TMEM259: variants seen among roughly 807,000 people sequenced by gnomAD.
The protein encoded by TMEM259 is transmembrane protein 259.
A neutral mutation model predicts 46.7 loss-of-function variants in TMEM259; 26 were observed. The ratio of observed to expected loss-of-function variants is 0.56; its 90% CI spans 0.41 to 0.77. The LOEUF (loss-of-function observed/expected upper bound fraction) is 0.77, where lower values mean the gene tolerates loss of function less well. Among genes scored for constraint, TMEM259 ranks in the 30% least tolerant of loss-of-function variants. The pLI is 0.00. For synonymous variants in TMEM259, 494 were observed against 395.1 expected, an observed-to-expected ratio of 1.25 and a Z score of -2.97; for missense variants, 930 against 900.5, an observed-to-expected ratio of 1.03 and a Z score of -0.42.
chr19:1,020,837 C>A lies in TMEM259; in HGVS notation c.160G>T (p.Val54Phe). 7.3e-7 allele frequency: 1 copy of A among 1,378,280 alleles called. No individual in the cohort carries two copies. Among genetic ancestry groups the A allele is most frequent in the South Asian group, 1.9e-5 (1 of 52,592 alleles). 85.4% of individuals were successfully genotyped at this position (1,378,280 alleles called of 1,614,324 possible). A position where few individuals can be genotyped will look rare whatever the true frequency, so the allele number is the denominator to read the frequency against. The part of the protein sequence containing the change: ...LFHALFFKMA[V>F]TYSRLFPPAF... ...GGCGGGAAGAGCCGCGAATAGGTGA[C>A]AGCCATCTTGAAGAACAGCGCGTGG... The change falls in exon 1 of 11, where the codon GTC (valine) becomes TTC (phenylalanine). Residue 54 changes from valine (V) to phenylalanine (F), a missense_variant. Physicochemically the swap from Val to Phe is conservative, Grantham distance 50. Transcript: ENST00000356663. This position sits in a 1 kb window ranked among gnomAD's most constrained non-coding sequence, Gnocchi z 4.0.
rs1409050623 is a variant in TMEM259, at chr19:1,009,951, G to A, written c.*399C>T. The A allele has an allele frequency of 6.2e-6, 2 of 321,234 alleles. No individual in the cohort carries two copies. The highest frequency in any genetic ancestry group is 1.1e-5 in the Non-Finnish European group (2 of 175,918). The allele number at this position is 321,234 out of a possible 1,614,324, so 19.9% of individuals were successfully genotyped here. A position where few individuals can be genotyped will look rare whatever the true frequency, so the allele number is the denominator to read the frequency against. On this transcript the variant is annotated 3_prime_UTR_variant, in exon 11 of 11. Transcript: ENST00000356663. ...ACTGCAGGGAGCACCAGGCAGAGCC[G>A]GGCTGAGGCCGGCCGGCACTAGGGC...
At chr19:1,018,462 T>C (rs1345573961) in intron 1 of TMEM259, among the ~76,000 whole-genome samples, 1 of 152,094 alleles carries the variant, frequency 6.6e-6, no homozygotes, top group Non-Finnish European at 1.5e-5. Flanking sequence ...GCTGCACAGA[T>C]GCCACAGGAT....
intron 1 of TMEM259, among the ~76,000 whole-genome samples, chr19:1,015,588 G>C (rs960020151): frequency 6.6e-6 from 1 of 152,156 alleles, no homozygotes; most frequent in Non-Finnish European, 1.5e-5. Flanking sequence ...ACGTCTACCT[G>C]CTGCCCCGAT....
chr19:1,014,433 A>G lies in TMEM259; in HGVS notation c.266T>C (p.Val89Ala). Residue 89 changes from valine to alanine, a missense_variant, in exon 2 of 11, where the codon GTC becomes GCC. Transcript: ENST00000356663. Reference sequence around the variant, plus strand: ...GCAGTTGATGGGCGAGCGGGAGAAGACGATGTGGATGTAGGCCAGGACGAA... The same window carrying G: ...GCAGTTGATGGGCGAGCGGGAGAAGGCGATGTGGATGTAGGCCAGGACGAA... Reference protein sequence around the residue: ...VLFVLAYIHIVFSRSPINCLE... With the variant: ...VLFVLAYIHIAFSRSPINCLE... 6.2e-7 allele frequency: 1 copy of G among 1,611,986 alleles called. No individual in the cohort carries two copies. The highest frequency in any genetic ancestry group is 8.5e-7 in the Non-Finnish European group (1 of 1,179,858).
intron 6 of TMEM259, 21 bp downstream of exon 6, chr19:1,011,871 C>T: frequency 2.5e-6 from 4 of 1,601,506 alleles, no homozygotes; most frequent in Non-Finnish European, 3.4e-6. Flanking sequence ...CCAGCCCCCG[C>T]ACCCGCCCCG....
At position 1,011,154 on chromosome 19, in the gene TMEM259, T is replaced by C; in HGVS notation, c.1259A>G (p.Tyr420Cys). Reference protein sequence around the residue: ...LYHFAFYAYHYRFNGQYSSLA... With the variant: ...LYHFAFYAYHCRFNGQYSSLA... ...GCTGCTATACTGCCCATTGAAGCGG[T>C]AGTGATAGGCATAGAAGGCGAAGTG... is the stretch of plus-strand genomic sequence containing the variant. Residue 420 changes from tyrosine (Y) to cysteine (C), a missense_variant, in exon 10 of 11, where the codon TAC becomes TGC. Physicochemically the swap from Tyr to Cys is radical, Grantham distance 194. Coordinates refer to ENST00000356663, the MANE Select transcript of TMEM259 (RefSeq NM_001033026.2). 2 of 1,605,564 alleles carry C rather than the reference T, an allele frequency of 1.2e-6. No individual in the cohort carries two copies. Among genetic ancestry groups the C allele is most frequent in the African/African-American group, 1.3e-5 (1 of 74,776 alleles).
At position 1,010,122 on chromosome 19, in the gene TMEM259, C is replaced by CTCCT. The variant is rs2038850603; in HGVS notation, c.*224_*227dup. The CTCCT allele has an allele frequency of 2.0e-6, 1 of 508,878 alleles. No homozygotes were observed. The allele number at this position is 508,878 out of a possible 1,614,324, so 31.5% of individuals were successfully genotyped here. A position where few individuals can be genotyped will look rare whatever the true frequency, so the allele number is the denominator to read the frequency against. On this transcript the variant is annotated 3_prime_UTR_variant, in exon 11 of 11. Coordinates refer to ENST00000356663, the MANE Select transcript of TMEM259 (RefSeq NM_001033026.2). ...AACCTTCCGCGGAACCCCACCCCCT[C>CTCCT]TCCTTGCTGACCAGCTCAAACACCT...
At position 1,014,202 on chromosome 19, in the gene TMEM259, C is replaced by A; in HGVS notation, c.497G>T (p.Ser166Ile). ...CCAGGCCTGGCTCACCTTGATGGAG[C>A]TGTTCCCAAACATCTCCATGGTCAG... ...EELTMEMFGN[S>I]SIKFELDIEP... The change falls in exon 2 of 11, where the codon AGC (serine) becomes ATC (isoleucine). Residue 166 changes from serine (S) to isoleucine (I), a missense_variant. Physicochemically the swap from Ser to Ile is moderately radical, Grantham distance 142 (BLOSUM62 -2). Coordinates refer to ENST00000356663, the MANE Select transcript of TMEM259 (RefSeq NM_001033026.2). 1.2e-6 allele frequency: 2 copies of A among 1,605,636 alleles called. No homozygotes were observed. The highest frequency in any genetic ancestry group is 1.7e-6 in the Non-Finnish European group (2 of 1,173,286).
chr19:1,010,462 A>G lies in TMEM259; in HGVS notation c.1751T>C (p.Val584Ala), dbSNP rs1190761786. Residue 584 changes from valine (V) to alanine (A), a missense_variant, in exon 11 of 11, where the codon GTC becomes GCC. Physicochemically the swap from Val to Ala is moderately conservative, Grantham distance 64. Transcript: ENST00000356663. Reference sequence around the variant, plus strand: ...AGAAGCTGCGGAGTCACTCGGGGGGACACTGTCCTGGGGGGCGTGGGGGAG... The same window carrying G: ...AGAAGCTGCGGAGTCACTCGGGGGGGCACTGTCCTGGGGGGCGTGGGGGAG... ...GGLPHAPQDS[V>A]PPSDSAASDT... 2 of 1,540,286 alleles carry G rather than the reference A, an allele frequency of 1.3e-6. No homozygotes were observed. The highest frequency in any genetic ancestry group is 2.4e-5 in the East Asian group (1 of 40,832).
chr19:1,015,418 G>A (rs553514951), intron 1 of TMEM259, among the ~76,000 whole-genome samples: 2 of 152,180 alleles, frequency 1.3e-5, no homozygotes, highest in South Asian at 2.1e-4. Context: ...GGGAGCCCAC[G>A]CCCCAGCGTG....
At chr19:1,019,741 G>A (rs900336605) in intron 1 of TMEM259, among the ~76,000 whole-genome samples, 1 of 152,174 alleles carries the variant, frequency 6.6e-6, no homozygotes, top group Non-Finnish European at 1.5e-5. Flanking sequence ...ACCCCTCTTT[G>A]CAGGCTAGAT....
chr19:1,010,502 C>T lies in TMEM259; in HGVS notation c.1711G>A (p.Gly571Ser). ...LLERRPASPL[G>S]PAGGLPHAPQ... Reference sequence around the variant, plus strand: ...GCGTGGGGGAGGCCCCCAGCAGGGCCCAGCGGGCTGGCTGGACGCCGCTCC... The same window carrying T: ...GCGTGGGGGAGGCCCCCAGCAGGGCTCAGCGGGCTGGCTGGACGCCGCTCC... Residue 571 changes from glycine to serine, a missense_variant, in exon 11 of 11, where the codon GGC (glycine) becomes AGC (serine). Gly to Ser is a moderately conservative substitution (Grantham distance 56). Transcript: ENST00000356663. The T allele has an allele frequency of 6.5e-7, 1 of 1,547,482 alleles. No individual in the cohort carries two copies. Among genetic ancestry groups the T allele is most frequent in the East Asian group, 2.4e-5 (1 of 40,890 alleles).
chr19:1,012,234 C>G, intron 4 of TMEM259, 46 bp from the exon 5 acceptor site: 1 of 1,562,956 alleles, frequency 6.4e-7, no homozygotes, highest in Admixed American at 1.9e-5. Flanking sequence ...CCCAGGCCAC[C>G]CCCTGGGCCC....
At position 1,010,429 on chromosome 19, in the gene TMEM259, G is replaced by A. The variant is rs1306736359; in HGVS notation, c.1784C>T (p.Thr595Ile). ...PPSDSAASDT[T>I]PLGAAVGGPS... Reference sequence around the variant, plus strand: ...CCCGCCTACCGCAGCCCCCAGGGGAGTTGTGTCAGAAGCTGCGGAGTCACT... The same window carrying A: ...CCCGCCTACCGCAGCCCCCAGGGGAATTGTGTCAGAAGCTGCGGAGTCACT... The change falls in exon 11 of 11, where the codon ACT becomes ATT. Residue 595 changes from threonine (T) to isoleucine (I), a missense_variant. By Grantham distance (89) the Thr-to-Ile change is moderately conservative. Coordinates refer to ENST00000356663, the MANE Select transcript of TMEM259 (RefSeq NM_001033026.2). 5 of 1,533,544 alleles carry A rather than the reference G, an allele frequency of 3.3e-6. No homozygotes were observed. The Admixed American group carries it at 8.6e-5, about 26-fold the overall frequency. 95.0% of individuals were successfully genotyped at this position (1,533,544 alleles called of 1,614,324 possible). A position where few individuals can be genotyped will look rare whatever the true frequency, so the allele number is the denominator to read the frequency against.
At chr19:1,017,989 C>G (rs906487189) in intron 1 of TMEM259, among the ~76,000 whole-genome samples, 2 of 152,124 alleles carry the variant, frequency 1.3e-5, no homozygotes, top group African/African-American at 2.4e-5. Flanking sequence ...CTCACATACC[C>G]CGTCTTTAAT....
At chr19:1,018,046 G>A (rs190253980) in intron 1 of TMEM259, among the ~76,000 whole-genome samples, 208 of 152,264 alleles carry the variant, frequency 1.4e-3, no homozygotes, top group Non-Finnish European at 2.5e-3. Context: ...GTGGCTAGGC[G>A]CGGGCCCCTG....
intron 4 of TMEM259, 43 bp from the exon 5 acceptor site, chr19:1,012,231 C>T: frequency 6.4e-7 from 1 of 1,567,514 alleles, no homozygotes; most frequent in South Asian, 1.2e-5. Context: ...CCGCCCAGGC[C>T]ACCCCCTGGG....
At position 1,014,207 on chromosome 19, in the gene TMEM259, C is replaced by A; in HGVS notation, c.492G>T (p.Gly164=). The A allele has an allele frequency of 6.2e-7, 1 of 1,607,978 alleles. No homozygotes were observed. Among genetic ancestry groups the A allele is most frequent in the South Asian group, 1.1e-5 (1 of 90,978 alleles). ...EEEELTMEMF[G]NSSIKFELDI... Reference sequence around the variant, plus strand: ...CCTGGCTCACCTTGATGGAGCTGTTCCCAAACATCTCCATGGTCAGCTCTT... The same window carrying A: ...CCTGGCTCACCTTGATGGAGCTGTTACCAAACATCTCCATGGTCAGCTCTT... The change falls in exon 2 of 11, where the codon GGG becomes GGT. Residue 164 remains glycine (G), a synonymous_variant. Transcript: ENST00000356663.
At chr19:1,015,643 CACATGGA>C (rs1219677001) in intron 1 of TMEM259, among the ~76,000 whole-genome samples, 1 of 151,452 alleles carries the variant, frequency 6.6e-6, no homozygotes, top group Non-Finnish European at 1.5e-5. Context: ...CGCCCACGGC[CACATGGA>C]ACCCCAGACT....
Sources: gnomAD v4.1 joint callset for allele counts (sites outside exome capture counted in the v4.1 genomes callset) on GRCh38, gnomAD v4.1.1 for gene constraint, Gnocchi (gnomAD v3.1) non-coding constraint, MANE v1.5 for transcripts, NCBI Gene and HGNC (gene_info 2026-07-23, HGNC 2026-07-21) for gene names.